The following NELL2 variants were observed in gnomAD, a reference collection of about 807,000 sequenced individuals.
NELL2 encodes the protein protein kinase C-binding protein NELL2.
Under a neutral mutation model 109.6 loss-of-function variants are expected in NELL2, and 41 were observed. The observed-to-expected ratio is 0.37, with a 90% confidence interval of 0.29 to 0.49. The LOEUF is 0.49. NELL2 is among the 20% of genes least tolerant of loss of function. NELL2 has a pLI of 0.98. For missense variants in NELL2, 900 were observed against 1,008.3 expected, an observed-to-expected ratio of 0.89 and a Z score of 1.45; for synonymous variants, 355 against 344.7, an observed-to-expected ratio of 1.03 and a Z score of -0.33.
At chr12:44,793,987 A>C (rs1249467981) in intron 3 of NELL2, among the ~76,000 whole-genome samples, 2 of 152,190 alleles carry the variant, frequency 1.3e-5, no homozygotes, top group Non-Finnish European at 1.5e-5. Flanking sequence ...AAACAGTCAT[A>C]TTCACTTCAG....
Position 44,520,279 on chromosome 12 carries a change from G to A in NELL2, c.2176-50C>T, listed in dbSNP as rs768617710. 2.1e-6 allele frequency: 3 copies of A among 1,462,522 alleles called. No individual in the cohort carries two copies. In the African/African-American group the frequency reaches 4.2e-5, roughly 21 times the overall value. The allele number at this position is 1,462,522 out of a possible 1,614,324, so 90.6% of individuals were successfully genotyped here. A position where few individuals can be genotyped will look rare whatever the true frequency, so the allele number is the denominator to read the frequency against. On this transcript the variant is annotated intron_variant, in intron 18 of 19. Transcript: ENST00000429094. ...GGCAGAGGGAGAGGGAGGAGGAAAT[G>A]GAGGGAGGCCAGGAAAAAGCAGATG...
At chr12:44,848,442 T>G (rs1324702286) in intron 2 of NELL2, among the ~76,000 whole-genome samples, 1 of 152,032 alleles carries the variant, frequency 6.6e-6, no homozygotes, top group Non-Finnish European at 1.5e-5. Flanking sequence ...AACCATAGAC[T>G]TGAGCTACAA....
At chr12:44,756,961 C>A (rs1236449255) in intron 9 of NELL2, among the ~76,000 whole-genome samples, 1 of 152,142 alleles carries the variant, frequency 6.6e-6, no homozygotes, top group Non-Finnish European at 1.5e-5. Flanking sequence ...ATGCAACAAA[C>A]TTCAATATTT....
chr12:44,633,823 G>GTCAT (rs1946542042), intron 13 of NELL2, among the ~76,000 whole-genome samples: 4 of 152,074 alleles, frequency 2.6e-5, no homozygotes, highest in African/African-American at 9.7e-5. Context: ...TTTGGAAAAT[G>GTCAT]TGTTCAGTTG....
intron 12 of NELL2, among the ~76,000 whole-genome samples, chr12:44,693,458 C>G (rs1258826006): frequency 6.6e-6 from 1 of 152,100 alleles, no homozygotes; most frequent in Non-Finnish European, 1.5e-5. Flanking sequence ...CAAGGTATGC[C>G]TGTATATGGA....
chr12:44,905,509 T>C (rs1945709751), intron 1 of NELL2, among the ~76,000 whole-genome samples: 1 of 152,042 alleles, frequency 6.6e-6, no homozygotes, highest in Admixed American at 6.6e-5. Flanking sequence ...ATTTTTAAAG[T>C]GAGTTTTCAA....
At chr12:44,632,633 C>CA (rs894173537) in intron 13 of NELL2, among the ~76,000 whole-genome samples, 15 of 150,480 alleles carry the variant, frequency 1.0e-4, no homozygotes, top group Admixed American at 5.3e-4. Flanking sequence ...CTTCGGAAGC[C>CA]AAAAAAAATC....
chr12:44,531,044 T>G (rs1031605443), intron 16 of NELL2, among the ~76,000 whole-genome samples: 2 of 152,322 alleles, frequency 1.3e-5, no homozygotes, highest in Non-Finnish European at 1.5e-5. Flanking sequence ...AGTTACAAAC[T>G]TAATGTAACA....
At chr12:44,815,816 A>C in intron 3 of NELL2, 170 bp downstream of exon 3, 2 of 589,398 alleles carry the variant, frequency 3.4e-6, no homozygotes, top group Non-Finnish European at 5.5e-6. Flanking sequence ...ACAGGGTTTC[A>C]CCATATTGGT....
chr12:44,591,466 CACTT>C (rs1350313429), intron 15 of NELL2, among the ~76,000 whole-genome samples: 2 of 74,384 alleles, frequency 2.7e-5, no homozygotes, highest in African/African-American at 6.9e-5. Context: ...GAAATTGTGT[CACTT>C]ACAGCAACAT....
chr12:44,528,097 CAAAAAAAAAAAAA>C (rs71093812), intron 16 of NELL2, among the ~76,000 whole-genome samples: 12 of 22,000 alleles, frequency 5.5e-4, no homozygotes, highest in African/African-American at 8.2e-4. Context: ...GACTCCGTCT[CAAAAAAAAAAAAA>C]AAAAAAAAAA....
At chr12:44,782,737 A>G (rs1282508493) in intron 3 of NELL2, among the ~76,000 whole-genome samples, 2 of 152,046 alleles carry the variant, frequency 1.3e-5, no homozygotes, top group Admixed American at 1.3e-4. Context: ...CAGAGCTGCA[A>G]AATATGTGAA....
At chr12:44,889,671 A>G (rs1296362682) in intron 1 of NELL2, among the ~76,000 whole-genome samples, 1 of 150,844 alleles carries the variant, frequency 6.6e-6, no homozygotes, top group Non-Finnish European at 1.5e-5. Context: ...CTTATATCAG[A>G]TTTTTTTCTC....
At chr12:44,707,405 C>T (rs892061723) in intron 11 of NELL2, among the ~76,000 whole-genome samples, 1 of 152,138 alleles carries the variant, frequency 6.6e-6, no homozygotes. Flanking sequence ...CAAAATAAAG[C>T]TATCTCACAG....
At chr12:44,594,030 G>A (rs1261740029) in intron 15 of NELL2, among the ~76,000 whole-genome samples, 3 of 151,518 alleles carry the variant, frequency 2.0e-5, no homozygotes, top group East Asian at 2.0e-4. Context: ...ACTAACACAG[G>A]AACAGAAAAC....
At chr12:44,604,653 A>C (rs1945332257) in intron 15 of NELL2, among the ~76,000 whole-genome samples, 1 of 152,122 alleles carries the variant, frequency 6.6e-6, no homozygotes, top group African/African-American at 2.4e-5. Flanking sequence ...TGGGGGTGGG[A>C]ATGAAGTGAG....
chr12:44,547,608 A>G (rs1942851759), intron 15 of NELL2, among the ~76,000 whole-genome samples: 1 of 152,210 alleles, frequency 6.6e-6, no homozygotes, highest in Non-Finnish European at 1.5e-5. Context: ...TTTAATTTAA[A>G]AAGATTTACC....
At chr12:44,873,911 T>C (rs1945238953) in intron 2 of NELL2, among the ~76,000 whole-genome samples, 1 of 152,164 alleles carries the variant, frequency 6.6e-6, no homozygotes, top group Admixed American at 6.5e-5. Context: ...GAATAAAACA[T>C]TACCATAAAT....
At chr12:44,535,743 A>G (rs541393034) in intron 15 of NELL2, among the ~76,000 whole-genome samples, 1 of 151,850 alleles carries the variant, frequency 6.6e-6, no homozygotes, top group Non-Finnish European at 1.5e-5. Context: ...TAAAATGAGA[A>G]AAATTACAGA....
Sources: gnomAD v4.1 joint callset for allele counts (sites outside exome capture counted in the v4.1 genomes callset) on GRCh38, gnomAD v4.1.1 for gene constraint, MANE v1.5 for transcripts, NCBI Gene and HGNC (gene_info 2026-07-23, HGNC 2026-07-21) for gene names.